CDH18: variants seen among roughly 807,000 people sequenced by gnomAD.
The protein encoded by CDH18 is cadherin-18.
In CDH18, 31 loss-of-function variants were observed where a neutral mutation model predicts 67.9. The observed-to-expected ratio is 0.46, with a 90% CI of 0.34 to 0.62. The LOEUF is 0.62. CDH18 is among the 20% of genes least tolerant of loss of function. The pLI is 0.01. For synonymous variants in CDH18, 362 were observed against 347.2 expected (o/e 1.04, Z -0.48); for missense variants, 890 against 975.5 (o/e 0.91, Z 1.17).
At chr5:19,536,640 A>G (rs776882533) in intron 9 of CDH18, among the ~76,000 whole-genome samples, 39 of 152,302 alleles carry the variant, frequency 2.6e-4, no homozygotes, top group Non-Finnish European at 5.0e-4. Flanking sequence ...TCTTAACCTT[A>G]ACTTTACATT....
At chr5:20,047,333 AC>A (rs1173659839) in intron 2 of CDH18, among the ~76,000 whole-genome samples, 1 of 151,960 alleles carries the variant, frequency 6.6e-6, no homozygotes, top group African/African-American at 2.4e-5. Context: ...CATATGTTTT[AC>A]ATAGGAAATT....
chr5:19,945,340 A>T (rs1209046405), intron 2 of CDH18, among the ~76,000 whole-genome samples: 1 of 152,150 alleles, frequency 6.6e-6, no homozygotes, highest in African/African-American at 2.4e-5. Context: ...ACTACATTGA[A>T]ATTCTAGCAC....
chr5:20,161,471 A>G (rs1379325659), intron 2 of CDH18, among the ~76,000 whole-genome samples: 1 of 152,198 alleles, frequency 6.6e-6, no homozygotes, highest in Non-Finnish European at 1.5e-5. Flanking sequence ...GCCAAGCCCA[A>G]AGTGAATGTG....
chr5:20,110,176 C>T (rs530431665), intron 2 of CDH18, among the ~76,000 whole-genome samples: 77 of 152,280 alleles, frequency 5.1e-4, no homozygotes, highest in African/African-American at 1.8e-3. Flanking sequence ...CCACGGATCC[C>T]ACATTGAAAT....
At chr5:20,569,569 C>T (rs1308534925) in intron 1 of CDH18, among the ~76,000 whole-genome samples, 3 of 152,100 alleles carry the variant, frequency 2.0e-5, no homozygotes, top group African/African-American at 7.2e-5. Flanking sequence ...CAAGGTCACA[C>T]CACTGCACTC....
intron 3 of CDH18, among the ~76,000 whole-genome samples, chr5:19,765,109 C>T (rs988480144): frequency 1.3e-5 from 2 of 152,122 alleles, no homozygotes; most frequent in Admixed American, 1.3e-4. Flanking sequence ...TAGTTCTGGC[C>T]TTTATCAATA....
intron 2 of CDH18, among the ~76,000 whole-genome samples, chr5:20,123,203 GAA>G (rs1022585089): frequency 1.3e-5 from 2 of 152,010 alleles, no homozygotes; most frequent in African/African-American, 4.8e-5. Context: ...ACGTGATCTG[GAA>G]AAGAGTAGAA....
At chr5:20,542,128 T>C (rs572395266) in intron 1 of CDH18, among the ~76,000 whole-genome samples, 2 of 152,294 alleles carry the variant, frequency 1.3e-5, no homozygotes, top group East Asian at 1.9e-4. Flanking sequence ...GTATTTTTAA[T>C]AGAGACAGTG....
At chr5:19,654,447 T>C (rs1480855078) in intron 5 of CDH18, among the ~76,000 whole-genome samples, 1 of 152,184 alleles carries the variant, frequency 6.6e-6, no homozygotes, top group Non-Finnish European at 1.5e-5. Flanking sequence ...CTTTGCAGGA[T>C]GTGTCACAGA....
At chr5:20,432,807 T>C (rs572202927) in intron 1 of CDH18, among the ~76,000 whole-genome samples, 14 of 151,894 alleles carry the variant, frequency 9.2e-5, no homozygotes, top group Non-Finnish European at 2.1e-4. Context: ...TTCTGGGGTA[T>C]TGGGGGTTAG....
intron 1 of CDH18, among the ~76,000 whole-genome samples, chr5:20,449,898 T>C (rs929617834): frequency 6.6e-6 from 1 of 152,126 alleles, no homozygotes; most frequent in Non-Finnish European, 1.5e-5. Context: ...TTTTCTGATA[T>C]ATTGCCAGGA....
chr5:20,535,795 C>T (rs1756682623), intron 1 of CDH18, among the ~76,000 whole-genome samples: 1 of 152,136 alleles, frequency 6.6e-6, no homozygotes, highest in Non-Finnish European at 1.5e-5. Context: ...TGAGAGTTCA[C>T]AGCACCAAAG....
At chr5:19,931,110 A>T (rs59274361) in intron 2 of CDH18, among the ~76,000 whole-genome samples, 2,149 of 152,070 alleles carry the variant, frequency 0.014, 54 homozygotes, top group African/African-American at 0.047. Context: ...TATAGCATTT[A>T]AAAAAATTAC....
intron 2 of CDH18, among the ~76,000 whole-genome samples, chr5:20,215,430 CA>C (rs1271813065): frequency 7.3e-6 from 1 of 137,096 alleles, no homozygotes; most frequent in African/African-American, 2.8e-5. Flanking sequence ...CTCTTCCATC[CA>C]AAAAATAAAT....
At chr5:20,441,312 G>T (rs962463957) in intron 1 of CDH18, among the ~76,000 whole-genome samples, 1 of 151,832 alleles carries the variant, frequency 6.6e-6, no homozygotes, top group African/African-American at 2.4e-5. Flanking sequence ...TCACAGTTAT[G>T]CTGCCTTAAT....
chr5:20,418,242 A>ATTTTATTTTTTTT (rs1747499239), intron 1 of CDH18, among the ~76,000 whole-genome samples: 5 of 56,922 alleles, frequency 8.8e-5, no homozygotes, highest in Admixed American at 3.3e-4. Flanking sequence ...CTGCTGGCTA[A>ATTTTATTTTTTTT]TTTTTTTTTT....
chr5:20,258,819 C>A (rs1744434760), intron 1 of CDH18, among the ~76,000 whole-genome samples: 1 of 151,886 alleles, frequency 6.6e-6, no homozygotes, highest in Non-Finnish European at 1.5e-5. Context: ...GTTTTGCATC[C>A]AAAGAACTCA....
chr5:20,046,428 C>T (rs1411996204), intron 2 of CDH18, among the ~76,000 whole-genome samples: 1 of 151,560 alleles, frequency 6.6e-6, no homozygotes, highest in Non-Finnish European at 1.5e-5. Flanking sequence ...ATGTTTGGTG[C>T]ATATGGGCCA....
intron 1 of CDH18, among the ~76,000 whole-genome samples, chr5:20,330,502 A>C (rs993969620): frequency 6.6e-6 from 1 of 152,172 alleles, no homozygotes; most frequent in Non-Finnish European, 1.5e-5. Context: ...CAGCTTCCCA[A>C]TAAGATCTCT....
Sources: gnomAD v4.1 joint callset for allele counts (sites outside exome capture counted in the v4.1 genomes callset) on GRCh38, gnomAD v4.1.1 for gene constraint, MANE v1.5 for transcripts, NCBI Gene and HGNC (gene_info 2026-07-23, HGNC 2026-07-21) for gene names.